Variants in RPP14 observed in about 807,000 individuals in gnomAD.
RPP14 encodes ribonuclease P/MRP subunit p14, also known as ribonuclease P protein subunit p14.
A neutral mutation model predicts 17.8 loss-of-function variants in RPP14; 19 were observed. The ratio of observed to expected loss-of-function variants is 1.07; its 90% CI spans 0.74 to 1.57. RPP14 has a LOEUF of 1.57. Among genes scored for constraint, RPP14 ranks in the 40% most tolerant of loss-of-function variants. The pLI is 0.00. For missense variants in RPP14, 125 were observed against 140.8 expected (o/e 0.89, Z 0.57); for synonymous variants, 60 against 56.4 (o/e 1.06, Z -0.29).
Position 58,310,308 on chromosome 3 carries a change from G to T in RPP14, c.-21-1G>T. The T allele has an allele frequency of 6.2e-7, 1 of 1,609,518 alleles. No homozygotes were observed. Among genetic ancestry groups the T allele is most frequent in the Middle Eastern group, 1.7e-4 (1 of 6,054 alleles). On this transcript the variant is annotated splice_acceptor_variant, in intron 1 of 5. Coordinates refer to ENST00000295959, the MANE Select transcript of RPP14 (RefSeq NM_007042.6). LOFTEE classifies it low-confidence loss of function (5UTR_SPLICE). ...TTTCTAGCCCTCTTGACTTACTGTA[G>T]GTGTGATCAGCACTGGAAAAGATGC... is the stretch of plus-strand genomic sequence containing the variant.
In RPP14 at chr3:58,317,104, A is replaced by G; in HGVS notation, c.318+111A>G. 3.9e-6 allele frequency: 3 copies of G among 776,530 alleles called. No individual in the cohort carries two copies. In the South Asian group the frequency reaches 5.2e-5, roughly 14 times the overall value. The allele number at this position is 776,530 out of a possible 1,614,324, so 48.1% of individuals were successfully genotyped here. On this transcript the variant is annotated intron_variant, in intron 5 of 5. Transcript: ENST00000295959. The stretch of plus-strand genomic sequence containing the variant: ...GCATAAATGTAATATGGTTAAAATG[A>G]TCTAAGTAGGGGAAAATAAAGGACT...
intron 1 of RPP14, among the ~76,000 whole-genome samples, chr3:58,307,171 T>C (rs2097476197): frequency 6.6e-6 from 1 of 151,998 alleles, no homozygotes; most frequent in African/African-American, 2.4e-5. Context: ...GGAGGGAGAA[T>C]GGCAGGACAT....
intron 3 of RPP14, among the ~76,000 whole-genome samples, chr3:58,311,401 C>T (rs186457857): frequency 1.3e-3 from 195 of 152,314 alleles, no homozygotes; most frequent in Non-Finnish European, 2.2e-3. Flanking sequence ...GTGATCCACG[C>T]GCCTTGGGCT....
rs2097488413 is a variant in RPP14 at position 58,316,511 on chromosome 3, G to A, written c.163-4G>A. On this transcript the variant is annotated splice_region_variant and splice_polypyrimidine_tract_variant and intron_variant, in intron 3 of 5. Coordinates refer to ENST00000295959, the MANE Select transcript of RPP14 (RefSeq NM_007042.6). Reference sequence around the variant, plus strand: ...GCCTGCTAATAGCATTATTCCATATGCAGGTTGATGCCGCCTTACCTTTGG... The same window carrying A: ...GCCTGCTAATAGCATTATTCCATATACAGGTTGATGCCGCCTTACCTTTGG... 6.2e-7 allele frequency: 1 copy of A among 1,612,700 alleles called. No homozygotes were observed. The highest frequency in any genetic ancestry group is 1.1e-5 in the South Asian group (1 of 91,060).
chr3:58,314,452 GA>G (rs1559794896), intron 3 of RPP14, among the ~76,000 whole-genome samples: 1 of 152,166 alleles, frequency 6.6e-6, no homozygotes, highest in Admixed American at 6.5e-5. Flanking sequence ...TTGCTAAAGA[GA>G]ATGTGTGGTT....
At chr3:58,307,523 G>T (rs2097476814) in intron 1 of RPP14, among the ~76,000 whole-genome samples, 1 of 152,142 alleles carries the variant, frequency 6.6e-6, no homozygotes, top group Admixed American at 6.5e-5. Context: ...CCAGGAGTTC[G>T]AGACCAGCCT....
chr3:58,314,033 T>C (rs2097485218), intron 3 of RPP14, among the ~76,000 whole-genome samples: 1 of 152,088 alleles, frequency 6.6e-6, no homozygotes, highest in Non-Finnish European at 1.5e-5. Context: ...TGCAGCCTGG[T>C]CAACAGAACA....
intron 3 of RPP14, among the ~76,000 whole-genome samples, chr3:58,312,477 A>G (rs2097483401): frequency 6.6e-6 from 1 of 152,052 alleles, no homozygotes; most frequent in Non-Finnish European, 1.5e-5. Flanking sequence ...AAATTGCAGA[A>G]GTAAACTTTC....
At position 58,319,793 on chromosome 3, in the gene RPP14, C is replaced by A. The variant is rs1318075256; in HGVS notation, c.*2297C>A. ...CAACACAGCCAACACTTTTGTTTCC[C>A]ATTTTTTTTTGTTTCCCGTTTTTTA... On this transcript the variant is annotated 3_prime_UTR_variant, in exon 6 of 6. Coordinates refer to ENST00000295959, the MANE Select transcript of RPP14 (RefSeq NM_007042.6). The A allele has an allele frequency of 6.6e-6, 1 of 152,020 alleles. No homozygotes were observed. Among genetic ancestry groups the A allele is most frequent in the African/African-American group, 2.4e-5 (1 of 41,392 alleles). The allele number at this position is 152,020 out of a possible 1,614,324, so 9.4% of individuals were successfully genotyped here. A position where few individuals can be genotyped will look rare whatever the true frequency, so the allele number is the denominator to read the frequency against.
rs574415685 is a variant in RPP14 at position 58,316,177 on chromosome 3, C to T, written c.163-338C>T. Among the ~76,000 whole-genome samples, 67 of 152,230 alleles carry T rather than the reference C, an allele frequency of 4.4e-4. No individual in the cohort carries two copies. The South Asian group carries it at 7.5e-3, about 17-fold the overall frequency. ...TCTTGTAGTAGGAAAACATGTTGGA[C>T]AATTAGTGACAAGAATAAAGGGAAT... is the stretch of plus-strand genomic sequence containing the variant. On this transcript the variant is annotated intron_variant, in intron 3 of 5. Transcript: ENST00000295959.
intron 3 of RPP14, chr3:58,315,755 C>T (rs2097487608): frequency 6.6e-6 from 1 of 152,494 alleles, no homozygotes; most frequent in South Asian, 2.1e-4. Flanking sequence ...TGGCTCACCG[C>T]ACCCTCCGCC....
chr3:58,309,027 C>T (rs139845307), intron 1 of RPP14, among the ~76,000 whole-genome samples: 2 of 152,330 alleles, frequency 1.3e-5, no homozygotes, highest in Non-Finnish European at 2.9e-5. Flanking sequence ...TTCCAGGAAT[C>T]CCTCTTCTCA....
chr3:58,318,137 A>T lies in RPP14; in HGVS notation c.*641A>T, dbSNP rs947755126. ...AAATCCTGAAATAGATGTTTTAAAG[A>T]TGCAACCTCAAACACCAATGCTGTT... is the stretch of plus-strand genomic sequence containing the variant. On this transcript the variant is annotated 3_prime_UTR_variant, in exon 6 of 6. Transcript: ENST00000295959. 1 of 624,284 alleles carries T rather than the reference A, an allele frequency of 1.6e-6. No individual in the cohort carries two copies. The highest frequency in any genetic ancestry group is 1.8e-5 in the African/African-American group (1 of 54,264). The allele number at this position is 624,284 out of a possible 1,614,324, so 38.7% of individuals were successfully genotyped here.
chr3:58,311,567 A>ACT (rs2097482268), intron 3 of RPP14, among the ~76,000 whole-genome samples: 1 of 152,110 alleles, frequency 6.6e-6, no homozygotes, highest in Non-Finnish European at 1.5e-5. Context: ...GATGCTGCAA[A>ACT]TGACAGAATT....
intron 1 of RPP14, among the ~76,000 whole-genome samples, chr3:58,308,836 G>A (rs901875601): frequency 6.6e-6 from 1 of 151,268 alleles, no homozygotes; most frequent in East Asian, 1.9e-4. Flanking sequence ...TTAGAGAAGG[G>A]TGTCAGAGAA....
Position 58,316,839 on chromosome 3 carries a change from AT to A in RPP14, c.240-72del, listed in dbSNP as rs556173715. ...TATAGTTGCAAAGTCAGAAGTGAATATTTTAGAAACCTTAGTTGAAGTTCAT... is the reference window on the plus strand; with the variant it reads ...TATAGTTGCAAAGTCAGAAGTGAATATTTAGAAACCTTAGTTGAAGTTCAT... On this transcript the variant is annotated intron_variant, in intron 4 of 5. Coordinates refer to ENST00000295959, the MANE Select transcript of RPP14 (RefSeq NM_007042.6). 2.6e-4 allele frequency: 325 copies of A among 1,272,724 alleles called. 1 individual carries two copies. The African/African-American group carries it at 3.8e-3, about 15-fold the overall frequency. The allele number at this position is 1,272,724 out of a possible 1,614,324, so 78.8% of individuals were successfully genotyped here. A position where few individuals can be genotyped will look rare whatever the true frequency, so the allele number is the denominator to read the frequency against.
chr3:58,310,664 A>G (rs2097481246), intron 3 of RPP14, 73 bp downstream of exon 3: 2 of 1,304,104 alleles, frequency 1.5e-6, no homozygotes, highest in Non-Finnish European at 1.1e-6. Context: ...CGGGCGCGGT[A>G]GCTCACGCCT....
At chr3:58,316,336 G>A (rs975035589) in intron 3 of RPP14, among the ~76,000 whole-genome samples, 179 bp from the exon 4 acceptor site, 1 of 152,240 alleles carries the variant, frequency 6.6e-6, no homozygotes, top group Non-Finnish European at 1.5e-5. Flanking sequence ...ATGAAGAGGT[G>A]TAGGCAGAAC....
At position 58,317,300 on chromosome 3, in the gene RPP14, C is replaced by T. The variant is rs148847518; in HGVS notation, c.319-140C>T. 271 of 628,580 alleles carry T rather than the reference C, an allele frequency of 4.3e-4. No homozygotes were observed. In the African/African-American group the frequency reaches 4.3e-3, roughly 10 times the overall value. 38.9% of individuals were successfully genotyped at this position (628,580 alleles called of 1,614,324 possible). On this transcript the variant is annotated intron_variant, in intron 5 of 5. Transcript: ENST00000295959. ...TTTTTGAGATGTGACCACTTGTTAT[C>T]GAAGGCTTCCTCTCAGGATGCTCTG...
Sources: gnomAD v4.1 joint callset for allele counts (sites outside exome capture counted in the v4.1 genomes callset) on GRCh38, gnomAD v4.1.1 for gene constraint, MANE v1.5 for transcripts, NCBI Gene and HGNC (gene_info 2026-07-23, HGNC 2026-07-21) for gene names.